Variants in SRSF11 observed in about 807,000 individuals in gnomAD.
The protein encoded by SRSF11 is serine/arginine-rich splicing factor 11.
Under a neutral mutation model 56.0 loss-of-function variants are expected in SRSF11, and 9 were observed. The observed-to-expected ratio is 0.16, with a 90% CI of 0.10 to 0.28. The LOEUF is 0.28. Ranked by LOEUF, SRSF11 falls within the 10% of genes least tolerant of loss-of-function variation. The probability of loss-of-function intolerance (pLI) is 1.00; values close to 1 mark genes in which losing one functional copy is unlikely to be tolerated. For synonymous variants in SRSF11, 222 were observed against 215.3 expected, an observed-to-expected ratio of 1.03 and a Z score of -0.27; for missense variants, 421 against 600.7, an observed-to-expected ratio of 0.70 and a Z score of 3.13.
intron 2 of SRSF11, chr1:70,231,609 C>G (rs535196427): frequency 2.3e-5 from 26 of 1,136,368 alleles, no homozygotes; most frequent in Non-Finnish European, 2.7e-5. Context: ...CTCTTTCTCT[C>G]TCACTCCCAT....
chr1:70,235,424 TTCAGTTTTC>T (rs1288809598), intron 4 of SRSF11, 68 bp from the exon 5 acceptor site: 24 of 1,230,630 alleles, frequency 2.0e-5, no homozygotes, highest in Non-Finnish European at 2.7e-5. Context: ...ATTTCTGTTG[TTCAGTTTTC>T]TGCCTAGAAA....
chr1:70,215,720 T>C (rs1255827920), intron 1 of SRSF11, among the ~76,000 whole-genome samples: 1 of 152,196 alleles, frequency 6.6e-6, no homozygotes. Context: ...AAAAGGGACT[T>C]GATTTATCCA....
chr1:70,246,689 T>G (rs765888666), intron 8 of SRSF11, 129 bp from the exon 9 acceptor site: 10 of 503,440 alleles, frequency 2.0e-5, no homozygotes, highest in Non-Finnish European at 2.5e-5. Flanking sequence ...TAAAACAGTT[T>G]CTGTCAGAAC....
At chr1:70,206,220 G>A (rs918676090) in intron 1 of SRSF11, among the ~76,000 whole-genome samples, 12 of 152,160 alleles carry the variant, frequency 7.9e-5, no homozygotes, top group Admixed American at 3.9e-4. Context: ...ACAAGTAGTG[G>A]TACATGCTTT....
rs1337851988 is a variant in SRSF11 at position 70,230,509 on chromosome 1, GTTTCT to G, written c.338-1755_338-1751del. On this transcript the variant is annotated intron_variant, in intron 2 of 11. Transcript: ENST00000370949. ...TTTTTAGGTTCCTTGGTTAATGTTT[GTTTCT>G]TTTGTCTGTTTCTTTTTCTTTCATT... 4.0e-6 allele frequency: 5 copies of G among 1,246,058 alleles called. No homozygotes were observed. In the South Asian group the frequency reaches 6.9e-5, roughly 17 times the overall value. The allele number at this position is 1,246,058 out of a possible 1,614,324, so 77.2% of individuals were successfully genotyped here. A position where few individuals can be genotyped will look rare whatever the true frequency, so the allele number is the denominator to read the frequency against.
chr1:70,228,800 A>G, intron 2 of SRSF11: 1 of 1,150,446 alleles, frequency 8.7e-7, no homozygotes, highest in Non-Finnish European at 1.1e-6. Flanking sequence ...GTTTAAAACC[A>G]TGTCCCTTAT....
Position 70,226,397 on chromosome 1 carries a change from G to T in SRSF11, c.204-2025G>T, listed in dbSNP as rs368528700. Among the ~76,000 whole-genome samples, 7 of 152,134 alleles carry T rather than the reference G, an allele frequency of 4.6e-5. No homozygotes were observed. The South Asian group carries it at 6.2e-4, about 14-fold the overall frequency. On this transcript the variant is annotated intron_variant, in intron 1 of 11. Coordinates refer to ENST00000370949, the MANE Select transcript of SRSF11 (RefSeq NM_001350605.2). ...GGTTTTGATATAGCCAAAATAATTGGAGCATTCCTATGCCATTAATGAGTA... is the reference window on the plus strand; with the variant it reads ...GGTTTTGATATAGCCAAAATAATTGTAGCATTCCTATGCCATTAATGAGTA...
chr1:70,215,975 G>A (rs911056337), intron 1 of SRSF11, among the ~76,000 whole-genome samples: 10 of 152,116 alleles, frequency 6.6e-5, no homozygotes, highest in Admixed American at 2.0e-4. Context: ...TAGTAGAGAC[G>A]GGGTTTCTCC....
rs768744665 is a variant in SRSF11, at chr1:70,239,402, A to G, written c.719-37A>G. 14 of 1,490,030 alleles carry G rather than the reference A, an allele frequency of 9.4e-6. No individual in the cohort carries two copies. In the East Asian group the frequency reaches 2.7e-4, roughly 29 times the overall value. 92.3% of individuals were successfully genotyped at this position (1,490,030 alleles called of 1,614,324 possible). A position where few individuals can be genotyped will look rare whatever the true frequency, so the allele number is the denominator to read the frequency against. Reference sequence around the variant, plus strand: ...CCACTGCGTCTGGCCCCTATTTAATAACTTCTAAATGCAGGTTCCTTTTCT... The same window carrying G: ...CCACTGCGTCTGGCCCCTATTTAATGACTTCTAAATGCAGGTTCCTTTTCT... On this transcript the variant is annotated intron_variant, in intron 6 of 11. Coordinates refer to ENST00000370949, the MANE Select transcript of SRSF11 (RefSeq NM_001350605.2).
rs1392547921 is a variant in SRSF11 at position 70,251,586 on chromosome 1, ACCTAT to A, written c.*785_*789del. 1 of 152,302 alleles carries A rather than the reference ACCTAT, an allele frequency of 6.6e-6. No individual in the cohort carries two copies. Among genetic ancestry groups the A allele is most frequent in the East Asian group, 1.9e-4 (1 of 5,192 alleles). 9.4% of individuals were successfully genotyped at this position (152,302 alleles called of 1,614,324 possible). On this transcript the variant is annotated 3_prime_UTR_variant, in exon 12 of 12. Transcript: ENST00000370949. The stretch of plus-strand genomic sequence containing the variant: ...ACATCTACATCAGTGAAAGCTATCT[ACCTAT>A]CCTGAGTCTATCTTAAAGGAAAAAA...
At chr1:70,232,692 C>A (rs1170720120) in intron 3 of SRSF11, among the ~76,000 whole-genome samples, 2 of 152,164 alleles carry the variant, frequency 1.3e-5, no homozygotes, top group Non-Finnish European at 2.9e-5. Context: ...TCATTTGGAC[C>A]AGGAAAGAAA....
upstream of SRSF11, among the ~76,000 whole-genome samples, chr1:70,217,185 T>C (rs904926614): frequency 6.6e-6 from 1 of 152,088 alleles, no homozygotes; most frequent in Non-Finnish European, 1.5e-5. Flanking sequence ...TGAGATGGCG[T>C]TTCGCTCTTG....
intron 3 of SRSF11, 97 bp from the exon 4 acceptor site, chr1:70,234,599 C>T (rs1673542574): frequency 1.1e-6 from 1 of 937,044 alleles, no homozygotes; most frequent in Non-Finnish European, 1.6e-6. Flanking sequence ...CCTGAAAACT[C>T]AAGTTGTTAT....
chr1:70,210,347 G>T (rs1232215678), intron 1 of SRSF11, among the ~76,000 whole-genome samples: 4 of 151,862 alleles, frequency 2.6e-5, no homozygotes, highest in Non-Finnish European at 2.9e-5. Context: ...TATAGAGACA[G>T]GGTCTCCCCA....
rs529579688 is a variant in SRSF11 at position 70,251,729 on chromosome 1, G to A, written c.*924G>A. 3.3e-5 allele frequency: 5 copies of A among 152,570 alleles called. No homozygotes were observed. The highest frequency in any genetic ancestry group is 2.1e-4 in the South Asian group (1 of 4,828). 9.5% of individuals were successfully genotyped at this position (152,570 alleles called of 1,614,324 possible). The stretch of plus-strand genomic sequence containing the variant: ...GTGCATTTTAAATTGACCTTCATAC[G>A]CTTTTAAAATAAGACAAATCTACTT... On this transcript the variant is annotated 3_prime_UTR_variant, in exon 12 of 12. Transcript: ENST00000370949.
rs1249861344 is a variant in SRSF11 at position 70,224,803 on chromosome 1, C to A, written c.203+2964C>A. Among the ~76,000 whole-genome samples the A allele has an allele frequency of 2.0e-5, 3 of 152,200 alleles. No individual in the cohort carries two copies. The East Asian group carries it at 5.8e-4, about 29-fold the overall frequency. ...GCAGGTATTTGAAAGTTGAACCCCA[C>A]ATATACTCTTTGTTAAACTGTTATT... On this transcript the variant is annotated intron_variant, in intron 1 of 11. Transcript: ENST00000370949.
At chr1:70,227,916 G>A (rs1161235246) in intron 1 of SRSF11, among the ~76,000 whole-genome samples, 1 of 152,130 alleles carries the variant, frequency 6.6e-6, no homozygotes, top group African/African-American at 2.4e-5. Context: ...CATGCTGTGG[G>A]TAAAAGAGTG....
At chr1:70,231,031 A>C in intron 2 of SRSF11, 1 of 1,288,574 alleles carries the variant, frequency 7.8e-7, no homozygotes, top group Non-Finnish European at 1.0e-6. Context: ...TTCTCAGTAT[A>C]GGTGGAAGGA....
At chr1:70,228,340 T>C (rs1236467946) in intron 1 of SRSF11, 82 bp from the exon 2 acceptor site, 3 of 1,084,454 alleles carry the variant, frequency 2.8e-6, no homozygotes, top group Non-Finnish European at 4.0e-6. Flanking sequence ...CTGTTTTACT[T>C]TTGAAATGTG....
Sources: allele counts gnomAD v4.1 joint callset (sites outside exome capture counted in the v4.1 genomes callset), GRCh38; gene constraint gnomAD v4.1.1; transcripts MANE v1.5; gene names NCBI Gene and HGNC (gene_info 2026-07-23, HGNC 2026-07-21).